DLGAP1: variants seen among roughly 807,000 people sequenced by gnomAD.
DLGAP1 encodes DLG associated protein 1, also known as disks large-associated protein 1.
In DLGAP1, 11 loss-of-function variants were observed where a neutral mutation model predicts 90.8. That is an observed-to-expected ratio of 0.12 (90% confidence interval 0.08 to 0.20). The LOEUF is 0.20. DLGAP1 is among the 10% of genes least tolerant of loss of function. The pLI is 1.00. For missense variants in DLGAP1, 1,050 were observed against 1,333.8 expected, an observed-to-expected ratio of 0.79 and a Z score of 3.31; for synonymous variants, 558 against 540.7, an observed-to-expected ratio of 1.03 and a Z score of -0.44.
rs537654990 is a variant in DLGAP1 at position 3,501,402 on chromosome 18, G to A, written c.2724+1091C>T. 2.0e-5 allele frequency among the ~76,000 whole-genome samples: 3 copies of A among 152,278 alleles called. No homozygotes were observed. The East Asian group carries it at 5.8e-4, about 29-fold the overall frequency. On this transcript the variant is annotated intron_variant, in intron 12 of 12. Transcript: ENST00000315677. ...GGTACAAATGTTTGGCTTCCCAAGT[G>A]AGAGGCCACATGTACATCAACAGTA...
chr18:4,185,168 T>C (rs141905120), intron 1 of DLGAP1, among the ~76,000 whole-genome samples: 89 of 152,242 alleles, frequency 5.8e-4, no homozygotes, highest in African/African-American at 2.0e-3. Context: ...TTTTCTAATA[T>C]TTTATTTTTA....
intron 7 of DLGAP1, among the ~76,000 whole-genome samples, chr18:3,600,707 G>GATATATAGATAT (rs1268136656): frequency 2.9e-5 from 3 of 101,978 alleles, no homozygotes; most frequent in Non-Finnish European, 5.7e-5. Flanking sequence ...GATATCTATA[G>GATATATAGATAT]CTATATAGAT....
chr18:3,752,837 C>T (rs2063559710), intron 5 of DLGAP1, among the ~76,000 whole-genome samples: 1 of 151,848 alleles, frequency 6.6e-6, no homozygotes, highest in Admixed American at 6.6e-5. Flanking sequence ...AAGGTTCATC[C>T]GTGTTGTAGC....
intron 2 of DLGAP1, among the ~76,000 whole-genome samples, chr18:4,098,394 A>C (rs1464480322): frequency 6.6e-6 from 1 of 152,258 alleles, no homozygotes; most frequent in East Asian, 1.9e-4. Context: ...TGATATAAAA[A>C]AAGTAAAATA....
At chr18:3,612,266 C>A (rs1234912257) in intron 7 of DLGAP1, among the ~76,000 whole-genome samples, 1 of 152,054 alleles carries the variant, frequency 6.6e-6, no homozygotes, top group Admixed American at 6.6e-5. Flanking sequence ...GTTGCTGAAT[C>A]TCTATAAACA....
chr18:3,576,476 G>A (rs867092722), intron 8 of DLGAP1, among the ~76,000 whole-genome samples: 1 of 151,584 alleles, frequency 6.6e-6, no homozygotes, highest in South Asian at 2.1e-4. Flanking sequence ...GGCCAGGCTG[G>A]TATTGAACTC....
intron 3 of DLGAP1, among the ~76,000 whole-genome samples, chr18:3,916,455 G>A (rs1295909886): frequency 6.6e-6 from 1 of 151,990 alleles, no homozygotes; most frequent in Non-Finnish European, 1.5e-5. Context: ...TCACAACTCG[G>A]TTCCACTCCT....
chr18:3,500,524 G>C (rs2049874228), intron 12 of DLGAP1, among the ~76,000 whole-genome samples: 1 of 152,140 alleles, frequency 6.6e-6, no homozygotes, highest in Non-Finnish European at 1.5e-5. Context: ...CAGAGCAAGT[G>C]CCTAGTTCAA....
intron 3 of DLGAP1, among the ~76,000 whole-genome samples, chr18:3,901,194 G>T (rs935080269): frequency 6.6e-6 from 1 of 151,750 alleles, no homozygotes. Flanking sequence ...TGGTGCTTAC[G>T]TCCTCCACTT....
intron 10 of DLGAP1, among the ~76,000 whole-genome samples, chr18:3,515,208 C>T (rs950908936): frequency 7.9e-5 from 12 of 152,128 alleles, no homozygotes; most frequent in South Asian, 4.1e-4. Context: ...CGGTGGCTCA[C>T]GCCTGTAATC....
chr18:3,791,925 T>C (rs910143019), intron 5 of DLGAP1, among the ~76,000 whole-genome samples: 2 of 151,982 alleles, frequency 1.3e-5, no homozygotes, highest in South Asian at 4.2e-4. Flanking sequence ...AAAATAAAAT[T>C]AAAAAAAGGC....
chr18:4,210,835 A>G (rs532363219), intron 1 of DLGAP1, among the ~76,000 whole-genome samples: 1 of 152,318 alleles, frequency 6.6e-6, no homozygotes, highest in African/African-American at 2.4e-5. Context: ...GTGTAAAGAG[A>G]ACGTCTCATC....
intron 7 of DLGAP1, among the ~76,000 whole-genome samples, chr18:3,646,653 G>A (rs1216567049): frequency 5.3e-5 from 8 of 152,288 alleles, no homozygotes; most frequent in East Asian, 3.9e-4. Context: ...AGCCGGGCAC[G>A]GTGGCTCATG....
chr18:3,970,758 CATT>C (rs1247659016), intron 3 of DLGAP1, among the ~76,000 whole-genome samples: 1 of 148,566 alleles, frequency 6.7e-6, no homozygotes, highest in Non-Finnish European at 1.5e-5. Flanking sequence ...GATATCTTGA[CATT>C]AATATTAACA....
chr18:3,865,039 T>A (rs553384008), intron 4 of DLGAP1, among the ~76,000 whole-genome samples: 1 of 152,048 alleles, frequency 6.6e-6, no homozygotes, highest in South Asian at 2.1e-4. Context: ...GGCTGAGAGA[T>A]AACCATCTGG....
chr18:4,215,698 T>C (rs1310419573), intron 1 of DLGAP1, among the ~76,000 whole-genome samples: 1 of 152,146 alleles, frequency 6.6e-6, no homozygotes, highest in Non-Finnish European at 1.5e-5. Flanking sequence ...ATCCTTACTA[T>C]GCCAAGGATA....
intron 10 of DLGAP1, among the ~76,000 whole-genome samples, chr18:3,510,796 C>A (rs912349644): frequency 6.6e-6 from 1 of 152,148 alleles, no homozygotes; most frequent in Admixed American, 6.5e-5. Context: ...ATGTCTGATG[C>A]CTGAGCTATA....
intron 1 of DLGAP1, among the ~76,000 whole-genome samples, chr18:4,349,885 CT>C (rs1286193271): frequency 2.6e-5 from 4 of 152,126 alleles, no homozygotes; most frequent in African/African-American, 9.7e-5. Flanking sequence ...ACTCACCAAG[CT>C]GTACACTTAA....
At chr18:4,391,032 A>G (rs1318098716) in intron 1 of DLGAP1, among the ~76,000 whole-genome samples, 3 of 152,190 alleles carry the variant, frequency 2.0e-5, no homozygotes, top group East Asian at 1.9e-4. Flanking sequence ...AACTTAGCCT[A>G]TCCCGATTGA....
Sources: allele counts gnomAD v4.1 joint callset (sites outside exome capture counted in the v4.1 genomes callset), GRCh38; gene constraint gnomAD v4.1.1; transcripts MANE v1.5; gene names NCBI Gene and HGNC (gene_info 2026-07-23, HGNC 2026-07-21).